SEMA6A: variants seen among roughly 807,000 people sequenced by gnomAD.
SEMA6A encodes the protein semaphorin 6A.
In SEMA6A, 25 loss-of-function variants were observed where a neutral mutation model predicts 96.8. The observed-to-expected ratio is 0.26, with a 90% CI of 0.19 to 0.36. SEMA6A has a LOEUF of 0.36. Among genes scored for constraint, SEMA6A ranks in the 10% least tolerant of loss-of-function variants. SEMA6A has a pLI of 1.00. For missense variants in SEMA6A, 1,363 were observed against 1,323.1 expected, an observed-to-expected ratio of 1.03 and a Z score of -0.47; for synonymous variants, 612 against 518.0, an observed-to-expected ratio of 1.18 and a Z score of -2.46.
chr5:116,525,193 A>T (rs1438566246), intron 1 of SEMA6A, among the ~76,000 whole-genome samples: 1 of 152,162 alleles, frequency 6.6e-6, no homozygotes, highest in Non-Finnish European at 1.5e-5. Context: ...ATTCCCCATG[A>T]ACAGAAGAGG....
intron 3 of SEMA6A, 83 bp downstream of exon 3, chr5:116,502,127 T>G (rs2112766974): frequency 9.6e-7 from 1 of 1,042,948 alleles, no homozygotes; most frequent in Non-Finnish European, 1.5e-6. Flanking sequence ...CCTCAAGATC[T>G]TAAAAATAAT....
chr5:116,513,050 G>A (rs1190157940), intron 1 of SEMA6A, among the ~76,000 whole-genome samples: 2 of 152,048 alleles, frequency 1.3e-5, no homozygotes, highest in Non-Finnish European at 2.9e-5. Context: ...CGGGGTACAT[G>A]AGATGTTTTG....
chr5:116,524,254 C>T (rs1759104024), intron 1 of SEMA6A, among the ~76,000 whole-genome samples: 1 of 152,154 alleles, frequency 6.6e-6, no homozygotes. Flanking sequence ...TATCTCCCAG[C>T]CTTATCAAAC....
At chr5:116,485,218 A>G (rs1300985067) in intron 10 of SEMA6A, among the ~76,000 whole-genome samples, 2 of 152,218 alleles carry the variant, frequency 1.3e-5, no homozygotes, top group South Asian at 2.1e-4. Flanking sequence ...GGAGTTATCT[A>G]TAATATTTAA....
chr5:116,509,605 T>TGAGAGAGAGAGAGAGA (rs143399883), intron 1 of SEMA6A, among the ~76,000 whole-genome samples: 1 of 133,830 alleles, frequency 7.5e-6, no homozygotes, highest in African/African-American at 2.7e-5. Flanking sequence ...TCTCTGTGTG[T>TGAGAGAGAGAGAGAGA]GTGAGAGAGA....
intron 6 of SEMA6A, among the ~76,000 whole-genome samples, chr5:116,495,088 G>C (rs562698398): frequency 3.5e-4 from 54 of 152,306 alleles, no homozygotes; most frequent in Non-Finnish European, 4.4e-5. Flanking sequence ...AGGTTAGATA[G>C]TGGGGTGGGA....
chr5:116,549,311 C>T (rs771786318), intron 1 of SEMA6A, among the ~76,000 whole-genome samples: 5 of 152,036 alleles, frequency 3.3e-5, no homozygotes, highest in Non-Finnish European at 5.9e-5. Flanking sequence ...ATGGAGAGCT[C>T]GGCACTAGAA....
chr5:116,473,857 GCCTTA>G (rs1433203520), intron 16 of SEMA6A, among the ~76,000 whole-genome samples: 1 of 152,212 alleles, frequency 6.6e-6, no homozygotes, highest in Non-Finnish European at 1.5e-5. Flanking sequence ...CAGAGGGGCA[GCCTTA>G]CCTCCTGCCC....
In SEMA6A at chr5:116,504,946, G is replaced by A. The variant is rs1199132615; in HGVS notation, c.-2C>T. 3.2e-6 allele frequency: 5 copies of A among 1,580,324 alleles called. No individual in the cohort carries two copies. Among genetic ancestry groups the A allele is most frequent in the Non-Finnish European group, 4.3e-6 (5 of 1,160,636 alleles). ...TAGCAGCAAGGCTTCTGACCTCATAGTAGTTCAGCGGGGAGACTTTATTTC... is the reference window on the plus strand; with the variant it reads ...TAGCAGCAAGGCTTCTGACCTCATAATAGTTCAGCGGGGAGACTTTATTTC... On this transcript the variant is annotated 5_prime_UTR_variant, in exon 2 of 19. Coordinates refer to ENST00000343348, the MANE Select transcript of SEMA6A (RefSeq NM_020796.5).
At chr5:116,539,094 T>G (rs1759850693) in intron 1 of SEMA6A, among the ~76,000 whole-genome samples, 1 of 152,164 alleles carries the variant, frequency 6.6e-6, no homozygotes, top group South Asian at 2.1e-4. Flanking sequence ...CACCCTATTC[T>G]TCTTATCTAC....
At chr5:116,497,640 A>G (rs1757665371) in intron 3 of SEMA6A, among the ~76,000 whole-genome samples, 1 of 152,212 alleles carries the variant, frequency 6.6e-6, no homozygotes, top group African/African-American at 2.4e-5. Flanking sequence ...TCTCTCTGAC[A>G]CTAGAACTAT....
In SEMA6A at chr5:116,446,355, G is replaced by A. The variant is rs898257258; in HGVS notation, c.*258C>T. 2.3e-5 allele frequency: 9 copies of A among 383,486 alleles called. No individual in the cohort carries two copies. The highest frequency in any genetic ancestry group is 4.2e-5 in the Non-Finnish European group (9 of 214,814). The allele number at this position is 383,486 out of a possible 1,614,324, so 23.8% of individuals were successfully genotyped here. A position where few individuals can be genotyped will look rare whatever the true frequency, so the allele number is the denominator to read the frequency against. Reference sequence around the variant, plus strand: ...TGATGATAACTGAAGTCTTTTGTGGGTCCGACCTGTTGTAGGGTGTGGGGG... The same window carrying A: ...TGATGATAACTGAAGTCTTTTGTGGATCCGACCTGTTGTAGGGTGTGGGGG... On this transcript the variant is annotated 3_prime_UTR_variant, in exon 19 of 19. Transcript: ENST00000343348.
At chr5:116,476,688 G>A (rs899406575) in intron 15 of SEMA6A, among the ~76,000 whole-genome samples, 5 of 152,108 alleles carry the variant, frequency 3.3e-5, no homozygotes, top group African/African-American at 9.7e-5. Context: ...TATAGCCTTC[G>A]GTCACATGTT....
In SEMA6A at chr5:116,447,542, T is replaced by C; in HGVS notation, c.2164A>G (p.Ile722Val). ...TQSKDPKPEA[I>V]LTPLMHNGKL... ...CCGTTGTGCATGAGTGGCGTGAGGA[T>C]GGCCTCCGGCTTTGGGTCTTTGGAT... is the stretch of plus-strand genomic sequence containing the variant. The change falls in exon 19 of 19, where the codon ATC becomes GTC. Residue 722 changes from isoleucine (I) to valine (V), a missense_variant. Ile to Val is a conservative substitution (Grantham distance 29, BLOSUM62 3). This residue lies in a region of SEMA6A where 883 missense variants were observed against 763.6 expected (regional missense o/e 1.16). Coordinates refer to ENST00000343348, the MANE Select transcript of SEMA6A (RefSeq NM_020796.5). 6.2e-7 allele frequency: 1 copy of C among 1,614,044 alleles called. No homozygotes were observed. The highest frequency in any genetic ancestry group is 2.2e-5 in the East Asian group (1 of 44,870).
rs905111525 is a variant in SEMA6A, at chr5:116,475,622, A to C, written c.1650-19T>G. The C allele has an allele frequency of 6.4e-7, 1 of 1,563,598 alleles. No homozygotes were observed. Among genetic ancestry groups the C allele is most frequent in the African/African-American group, 1.4e-5 (1 of 73,988 alleles). ...AGTCAGTCTTTTAAAAAAGGAAGGGAAAGAGAGACAGAAATGAATACAATA... is the reference window on the plus strand; with the variant it reads ...AGTCAGTCTTTTAAAAAAGGAAGGGCAAGAGAGACAGAAATGAATACAATA... On this transcript the variant is annotated intron_variant, in intron 15 of 18. Coordinates refer to ENST00000343348, the MANE Select transcript of SEMA6A (RefSeq NM_020796.5).
chr5:116,500,348 A>T (rs1199116540), intron 3 of SEMA6A, among the ~76,000 whole-genome samples: 6 of 152,166 alleles, frequency 3.9e-5, no homozygotes, highest in Middle Eastern at 3.2e-3. Flanking sequence ...CCATCATTTC[A>T]CCTATCTGTC....
At chr5:116,537,354 T>C (rs1035037320) in intron 1 of SEMA6A, among the ~76,000 whole-genome samples, 3 of 152,172 alleles carry the variant, frequency 2.0e-5, no homozygotes, top group African/African-American at 7.2e-5. Context: ...CATGGATACT[T>C]CATCAGATCA....
intron 1 of SEMA6A, chr5:116,562,588 G>T (rs2112907799): frequency 1.5e-6 from 1 of 659,804 alleles, no homozygotes; most frequent in Non-Finnish European, 2.8e-6. Context: ...GGAAGGAAAA[G>T]GAAGAACAGG....
intron 1 of SEMA6A, among the ~76,000 whole-genome samples, chr5:116,532,844 T>C (rs552998749): frequency 6.6e-6 from 1 of 152,360 alleles, no homozygotes; most frequent in Admixed American, 6.5e-5. Context: ...CTGGATGTGG[T>C]TGCTCTGAAA....
Sources: gnomAD v4.1 joint callset for allele counts (sites outside exome capture counted in the v4.1 genomes callset) on GRCh38, gnomAD v4.1.1 for gene constraint, gnomAD v4.1.1 regional missense constraint, MANE v1.5 for transcripts, NCBI Gene and HGNC (gene_info 2026-07-23, HGNC 2026-07-21) for gene names.